Variants in KIAA0825 observed in about 807,000 individuals in gnomAD.
KIAA0825 encodes the protein KIAA0825, also known as uncharacterized protein KIAA0825.
KIAA0825 carries 119 observed loss-of-function variants against 147.6 expected under a neutral mutation model. That is an observed-to-expected ratio of 0.81 (90% CI 0.69 to 0.94). KIAA0825 has a LOEUF of 0.94. Among genes scored for constraint, KIAA0825 ranks in the 40% least tolerant of loss-of-function variants. KIAA0825 has a pLI of 0.00. For synonymous variants in KIAA0825, 470 were observed against 518.1 expected (o/e 0.91, Z 1.26); for missense variants, 1,381 against 1,472.7 (o/e 0.94, Z 1.02).
chr5:94,461,409 CTT>C (rs1219020876), intron 12 of KIAA0825, among the ~76,000 whole-genome samples: 1 of 151,850 alleles, frequency 6.6e-6, no homozygotes, highest in Admixed American at 6.6e-5. Context: ...GGGCTTCAGA[CTT>C]GAGCTTTTTA....
Position 94,520,234 on chromosome 5 carries a change from TA to T in KIAA0825, c.970+13del. On this transcript the variant is annotated intron_variant, in intron 5 of 20. Transcript: ENST00000682413. ...CTTAAGTTAAACCAAACAAAAATTT[TA>T]AATGTCACTAACCCAAAGCATGCAC... 6.4e-7 allele frequency: 1 copy of T among 1,551,490 alleles called. No individual in the cohort carries two copies. Among genetic ancestry groups the T allele is most frequent in the Non-Finnish European group, 8.7e-7 (1 of 1,152,164 alleles).
intron 1 of KIAA0825, among the ~76,000 whole-genome samples, chr5:94,600,805 C>A (rs1419772408): frequency 6.6e-6 from 1 of 152,164 alleles, no homozygotes; most frequent in South Asian, 2.1e-4. Flanking sequence ...AAAAGTGTGA[C>A]CAGATTGCTT....
At chr5:94,455,922 T>C (rs116932555) in intron 12 of KIAA0825, among the ~76,000 whole-genome samples, 5,021 of 152,050 alleles carry the variant, frequency 0.033, 145 homozygotes, top group East Asian at 0.13. Context: ...AGGTGGGTGA[T>C]ATTCTCTAAA....
chr5:94,232,456 T>C (rs879678872), intron 20 of KIAA0825, among the ~76,000 whole-genome samples: 2 of 152,126 alleles, frequency 1.3e-5, no homozygotes, highest in African/African-American at 4.8e-5. Context: ...ATTTTAGTTA[T>C]GTTTTAATAA....
intron 1 of KIAA0825, among the ~76,000 whole-genome samples, chr5:94,590,218 C>A (rs1784101591): frequency 1.3e-5 from 2 of 152,144 alleles, no homozygotes; most frequent in Admixed American, 1.3e-4. Flanking sequence ...TGGTCTCGAA[C>A]TCCCAACCTC....
chr5:94,476,917 T>C (rs1761962328), intron 7 of KIAA0825, among the ~76,000 whole-genome samples, 194 bp downstream of exon 7: 2 of 152,044 alleles, frequency 1.3e-5, no homozygotes, highest in Admixed American at 1.3e-4. Context: ...ATGGAATAGA[T>C]TTTATATGAA....
intron 20 of KIAA0825, among the ~76,000 whole-genome samples, chr5:94,263,463 C>T (rs918030974): frequency 7.2e-5 from 11 of 152,166 alleles, no homozygotes; most frequent in African/African-American, 2.4e-4. Flanking sequence ...TTTTGGCACT[C>T]CTGCTTCCAC....
chr5:94,248,792 CCT>C (rs1175067281), intron 20 of KIAA0825, among the ~76,000 whole-genome samples: 1 of 152,044 alleles, frequency 6.6e-6, no homozygotes, highest in African/African-American at 2.4e-5. Context: ...CGTTTTTTCC[CCT>C]CTCTGTTAAG....
chr5:94,320,874 T>G (rs1780117868), intron 20 of KIAA0825, among the ~76,000 whole-genome samples: 1 of 152,090 alleles, frequency 6.6e-6, no homozygotes, highest in African/African-American at 2.4e-5. Context: ...ACAATTTTTT[T>G]GGAATAATTT....
At chr5:94,382,451 C>T (rs776184595) in intron 20 of KIAA0825, among the ~76,000 whole-genome samples, 10 of 152,224 alleles carry the variant, frequency 6.6e-5, no homozygotes, top group Admixed American at 2.6e-4. Context: ...TAAAATAAAT[C>T]GGTGAGCGAT....
At chr5:94,200,946 CATATATATATATATATATAT>C (rs34842887) in intron 20 of KIAA0825, among the ~76,000 whole-genome samples, 11 of 103,888 alleles carry the variant, frequency 1.1e-4, no homozygotes, top group South Asian at 3.7e-4. Context: ...AGAATTTAAA[CATATATATATATATATATAT>C]ATATATATAT....
At chr5:94,506,146 T>C (rs1341787587) in intron 5 of KIAA0825, among the ~76,000 whole-genome samples, 1 of 152,218 alleles carries the variant, frequency 6.6e-6, no homozygotes, top group Non-Finnish European at 1.5e-5. Context: ...AAGGGCTACC[T>C]TTCACAATCA....
At chr5:94,296,349 G>C (rs972976516) in intron 20 of KIAA0825, among the ~76,000 whole-genome samples, 4 of 152,124 alleles carry the variant, frequency 2.6e-5, no homozygotes, top group African/African-American at 9.7e-5. Flanking sequence ...GGCTCCGTGG[G>C]GGTGGGATCC....
intron 16 of KIAA0825, among the ~76,000 whole-genome samples, chr5:94,398,523 C>T (rs1164628098): frequency 6.6e-6 from 1 of 152,122 alleles, no homozygotes; most frequent in Non-Finnish European, 1.5e-5. Flanking sequence ...ATCCTCTCCT[C>T]TCTTGTGAAT....
intron 13 of KIAA0825, among the ~76,000 whole-genome samples, chr5:94,446,487 G>A (rs993340707): frequency 6.6e-6 from 1 of 152,038 alleles, no homozygotes; most frequent in African/African-American, 2.4e-5. Context: ...GAGAGATGAA[G>A]ATAAGCTGGC....
intron 20 of KIAA0825, among the ~76,000 whole-genome samples, chr5:94,201,638 G>C (rs1172054271): frequency 6.7e-6 from 1 of 150,248 alleles, no homozygotes; most frequent in Non-Finnish European, 1.5e-5. Context: ...TGGTAGAGAC[G>C]AGGTATTGCT....
intron 5 of KIAA0825, among the ~76,000 whole-genome samples, chr5:94,513,317 T>A (rs2151175047): frequency 6.6e-6 from 1 of 152,294 alleles, no homozygotes; most frequent in Admixed American, 6.5e-5. Flanking sequence ...GGTATATAAA[T>A]CTTAAACTGA....
intron 20 of KIAA0825, among the ~76,000 whole-genome samples, chr5:94,281,131 T>G (rs1777441476): frequency 6.6e-6 from 1 of 151,888 alleles, no homozygotes; most frequent in South Asian, 2.1e-4. Context: ...TAGCAGAGCA[T>G]AGGCTCTTTT....
chr5:94,213,020 T>C (rs1216196095), intron 20 of KIAA0825, among the ~76,000 whole-genome samples: 1 of 152,218 alleles, frequency 6.6e-6, no homozygotes, highest in Non-Finnish European at 1.5e-5. Flanking sequence ...TTTAATTCTA[T>C]CAATAGCTCT....
Sources: allele counts gnomAD v4.1 joint callset (sites outside exome capture counted in the v4.1 genomes callset), GRCh38; gene constraint gnomAD v4.1.1; transcripts MANE v1.5; gene names NCBI Gene and HGNC (gene_info 2026-07-23, HGNC 2026-07-21).